DNAJB6: variants seen among roughly 807,000 people sequenced by gnomAD.
DNAJB6 encodes DnaJ heat shock protein family (Hsp40) member B6, also known as dnaJ homolog subfamily B member 6.
Under a neutral mutation model 42.7 loss-of-function variants are expected in DNAJB6, and 16 were observed. That is an observed-to-expected ratio of 0.37 (90% CI 0.25 to 0.57). The LOEUF (loss-of-function observed/expected upper bound fraction) is 0.57, where lower values mean the gene tolerates loss of function less well. Ranked by LOEUF, DNAJB6 falls within the 20% of genes least tolerant of loss-of-function variation. DNAJB6 has a pLI of 0.74. For synonymous variants in DNAJB6, 170 were observed against 163.5 expected (o/e 1.04, Z -0.30); for missense variants, 347 against 416.8 (o/e 0.83, Z 1.46).
chr7:157,357,273 TCCGTCC>T (rs1799343630), intron 1 of DNAJB6, among the ~76,000 whole-genome samples: 5 of 56,630 alleles, frequency 8.8e-5, no homozygotes, highest in African/African-American at 3.1e-4. Flanking sequence ...CGTCCTTCCT[TCCGTCC>T]TTCCTTCCGT....
intron 1 of DNAJB6, among the ~76,000 whole-genome samples, chr7:157,354,667 T>G (rs1799180610): frequency 1.3e-5 from 2 of 152,086 alleles, no homozygotes; most frequent in Admixed American, 6.6e-5. Flanking sequence ...AGCTGACATC[T>G]CTGAGAGCAC....
At chr7:157,345,208 G>A (rs1459007092) in intron 1 of DNAJB6, among the ~76,000 whole-genome samples, 3 of 151,900 alleles carry the variant, frequency 2.0e-5, no homozygotes, top group Non-Finnish European at 4.4e-5. Flanking sequence ...TGTCCAGACT[G>A]GTCTTGAATT....
chr7:157,345,340 C>A (rs1217506864), intron 1 of DNAJB6, among the ~76,000 whole-genome samples: 1 of 152,046 alleles, frequency 6.6e-6, no homozygotes, highest in Non-Finnish European at 1.5e-5. Context: ...GAGACAGGGC[C>A]TTGCCCTGTC....
chr7:157,380,806 C>T (rs1346335762), intron 5 of DNAJB6: 2 of 152,330 alleles, frequency 1.3e-5, no homozygotes, highest in African/African-American at 4.8e-5. Flanking sequence ...CTGACGAGCT[C>T]TATAGTAGTC....
At chr7:157,370,353 C>A (rs776699504) in intron 5 of DNAJB6, among the ~76,000 whole-genome samples, 57 of 152,046 alleles carry the variant, frequency 3.7e-4, no homozygotes, top group Non-Finnish European at 6.9e-4. Context: ...ATTAAACAGG[C>A]CGTTTCTCAA....
intron 5 of DNAJB6, chr7:157,381,605 C>G (rs1351241689): frequency 6.6e-6 from 1 of 152,098 alleles, no homozygotes; most frequent in African/African-American, 2.4e-5. Flanking sequence ...CATCTTACGT[C>G]TGCTTGTTAA....
intron 8 of DNAJB6, among the ~76,000 whole-genome samples, chr7:157,388,033 A>G (rs1017197277): frequency 3.3e-5 from 5 of 152,050 alleles, no homozygotes; most frequent in African/African-American, 1.2e-4. Flanking sequence ...TTTAGTAGAG[A>G]TGGGATTTCA....
intron 2 of DNAJB6, among the ~76,000 whole-genome samples, chr7:157,361,946 A>G (rs1194301246): frequency 1.3e-5 from 2 of 151,834 alleles, no homozygotes; most frequent in African/African-American, 4.8e-5. Flanking sequence ...TTGTATTTTT[A>G]GTAGAGATGG....
At chr7:157,374,659 C>T (rs978970958) in intron 5 of DNAJB6, among the ~76,000 whole-genome samples, 7 of 152,138 alleles carry the variant, frequency 4.6e-5, no homozygotes, top group Non-Finnish European at 1.0e-4. Flanking sequence ...TTGGTCGTTT[C>T]AGGACCTTTG....
chr7:157,379,739 GCCT>G (rs1045112986), intron 5 of DNAJB6: 1 of 151,736 alleles, frequency 6.6e-6, no homozygotes, highest in African/African-American at 2.4e-5. Flanking sequence ...TCCTGCCTTG[GCCT>G]CCTCAGGAGC....
intron 8 of DNAJB6, among the ~76,000 whole-genome samples, chr7:157,402,590 A>C (rs1056223620): frequency 2.0e-5 from 3 of 151,944 alleles, no homozygotes; most frequent in African/African-American, 7.3e-5. Context: ...CACCACTTCC[A>C]CCTCCGTAGG....
intron 8 of DNAJB6, among the ~76,000 whole-genome samples, chr7:157,404,941 G>A (rs1795707288): frequency 1.3e-5 from 2 of 152,194 alleles, no homozygotes. Flanking sequence ...GCCAGCCTGT[G>A]CAGTGTTTTT....
intron 1 of DNAJB6, chr7:157,340,071 T>C (rs1201857375): frequency 6.6e-6 from 1 of 152,228 alleles, no homozygotes; most frequent in African/African-American, 2.4e-5. Context: ...AGCTTCTATA[T>C]TGGTTAATGC....
chr7:157,415,378 C>CT (rs1414116359), intron 9 of DNAJB6: 3 of 152,352 alleles, frequency 2.0e-5, no homozygotes, highest in African/African-American at 7.2e-5. Context: ...AAATGAAAGA[C>CT]TTTCCTCAAT....
At chr7:157,351,634 AAAC>A (rs199667104) in intron 1 of DNAJB6, among the ~76,000 whole-genome samples, 2,954 of 99,388 alleles carry the variant, frequency 0.03, 59 homozygotes, top group African/African-American at 0.071. Context: ...CTCTGTCTCA[AAAC>A]AACAACAACA....
rs141311189 is a variant in DNAJB6, at chr7:157,370,414, C to G, written c.346+2931C>G. ...AACATTATTATTAAATGGGCCCTTT[C>G]TTAACATTATGATTAAACAGGTCCT... is the stretch of plus-strand genomic sequence containing the variant. On this transcript the variant is annotated intron_variant, in intron 5 of 9. Coordinates refer to ENST00000262177, the MANE Select transcript of DNAJB6 (RefSeq NM_058246.4). Among the ~76,000 whole-genome samples, 1,000 of 152,256 alleles carry G rather than the reference C, an allele frequency of 6.6e-3. 12 individuals are homozygous for G. The highest frequency in any genetic ancestry group is 0.022 in the African/African-American group (928 of 41,546).
chr7:157,345,035 C>T (rs573232822), intron 1 of DNAJB6, among the ~76,000 whole-genome samples: 1 of 151,730 alleles, frequency 6.6e-6, no homozygotes, highest in South Asian at 2.1e-4. Flanking sequence ...CCCTTGTTGC[C>T]CAGGCTAGAG....
intron 5 of DNAJB6, among the ~76,000 whole-genome samples, chr7:157,377,475 A>G (rs190811496): frequency 2.6e-5 from 4 of 152,304 alleles, no homozygotes; most frequent in African/African-American, 9.6e-5. Flanking sequence ...CAGAATCTGC[A>G]TGAGTCTAGA....
intron 1 of DNAJB6, among the ~76,000 whole-genome samples, chr7:157,339,648 A>AGT (rs1798249750): frequency 3.1e-5 from 1 of 32,718 alleles, no homozygotes; most frequent in African/African-American, 8.3e-5. Context: ...TGTGTGTGTG[A>AGT]GATGGAGTTT....
Sources: allele counts gnomAD v4.1 joint callset (sites outside exome capture counted in the v4.1 genomes callset), GRCh38; gene constraint gnomAD v4.1.1; transcripts MANE v1.5; gene names NCBI Gene and HGNC (gene_info 2026-07-23, HGNC 2026-07-21).